Variants in ADARB1 observed in about 807,000 individuals in gnomAD.
The protein encoded by ADARB1 is double-stranded RNA-specific editase 1.
In ADARB1, 10 loss-of-function variants were observed where a neutral mutation model predicts 52.4. The ratio of observed to expected loss-of-function variants is 0.19; its 90% CI spans 0.12 to 0.32. The LOEUF (loss-of-function observed/expected upper bound fraction) is 0.32. Among genes scored for constraint, ADARB1 ranks in the 10% least tolerant of loss-of-function variants. The probability of loss-of-function intolerance (pLI) is 1.00; values close to 1 mark genes in which losing one functional copy is unlikely to be tolerated. For synonymous variants in ADARB1, 349 were observed against 371.1 expected (o/e 0.94, Z 0.68); for missense variants, 643 against 922.3 (o/e 0.70, Z 3.92).
intron 1 of ADARB1, among the ~76,000 whole-genome samples, chr21:45,075,827 A>G (rs754840729): frequency 6.6e-6 from 1 of 152,338 alleles, no homozygotes; most frequent in Admixed American, 6.5e-5. Context: ...TGATACAGGC[A>G]TTTTACTTCC....
At position 45,182,581 on chromosome 21, in the gene ADARB1, TC is replaced by T; in HGVS notation, c.1079-3del. 1 of 1,579,772 alleles carries T rather than the reference TC, an allele frequency of 6.3e-7. No individual in the cohort carries two copies. The highest frequency in any genetic ancestry group is 1.2e-5 in the South Asian group (1 of 83,760). On this transcript the variant is annotated splice_polypyrimidine_tract_variant and splice_region_variant and intron_variant, in intron 5 of 10. Coordinates refer to ENST00000348831, the MANE Select transcript of ADARB1 (RefSeq NM_001112.4). Reference sequence around the variant, plus strand: ...AAAATAGTGTCTCTTTTTTTTTTTTTCAGGCACAGATGTTAAAGATGCCAAG... The same window carrying T: ...AAAATAGTGTCTCTTTTTTTTTTTTTAGGCACAGATGTTAAAGATGCCAAG...
intron 2 of ADARB1, among the ~76,000 whole-genome samples, chr21:45,141,001 G>C (rs900353035): frequency 7.2e-5 from 11 of 152,050 alleles, no homozygotes; most frequent in African/African-American, 2.7e-4. Flanking sequence ...ACCAGTCTGG[G>C]TAACATGGTG....
intron 2 of ADARB1, among the ~76,000 whole-genome samples, chr21:45,131,546 G>A (rs1428059261): frequency 2.0e-5 from 3 of 152,228 alleles, no homozygotes; most frequent in Non-Finnish European, 2.9e-5. Context: ...AGGAGGTTTA[G>A]GAGTGCCCAT....
At chr21:45,144,934 A>C (rs2089934169) in intron 2 of ADARB1, 1 of 182,356 alleles carries the variant, frequency 5.5e-6, no homozygotes, top group Non-Finnish European at 1.2e-5. Flanking sequence ...ATGAGGAAAA[A>C]ACCAAATGAT....
chr21:45,087,832 A>G (rs2086407883), intron 1 of ADARB1, among the ~76,000 whole-genome samples: 1 of 152,222 alleles, frequency 6.6e-6, no homozygotes, highest in South Asian at 2.1e-4. Context: ...TGTTAACCTT[A>G]TTTGGGAAAA....
At chr21:45,219,702 A>G (rs571697575) in intron 9 of ADARB1, among the ~76,000 whole-genome samples, 20 of 152,334 alleles carry the variant, frequency 1.3e-4, no homozygotes, top group African/African-American at 4.8e-4. Context: ...TGGATGGCTC[A>G]TGATTTCCTC....
At position 45,103,289 on chromosome 21, in the gene ADARB1, A is replaced by G. The variant is rs536436601; in HGVS notation, c.-219-25113A>G. Among the ~76,000 whole-genome samples the G allele has an allele frequency of 3.2e-4, 48 of 151,744 alleles. No individual in the cohort carries two copies. In the South Asian group the frequency reaches 9.0e-3, roughly 28 times the overall value. On this transcript the variant is annotated intron_variant, in intron 1 of 10. Transcript: ENST00000348831. ...TTTTTGGCACCAGGGACTGGTGACA[A>G]TTTTTCCATGGGCCGAGGTGGGGGC...
intron 1 of ADARB1, among the ~76,000 whole-genome samples, chr21:45,127,398 A>G (rs940352958): frequency 5.3e-5 from 8 of 152,146 alleles, no homozygotes; most frequent in Non-Finnish European, 1.0e-4. Context: ...AGGCTGATAG[A>G]GCATTTTCAG....
chr21:45,123,875 A>G (rs1053343678), intron 1 of ADARB1, among the ~76,000 whole-genome samples: 7 of 152,214 alleles, frequency 4.6e-5, no homozygotes, highest in East Asian at 1.9e-4. Flanking sequence ...TGCTGGGCTT[A>G]TAAGTGTGAG....
At position 45,222,303 on chromosome 21, in the gene ADARB1, A is replaced by G; in HGVS notation, c.*106A>G. ...CAGGTGCATACCTTGGGGAGGGAGT[A>G]GGGGGACACGGGGGACCACCAGGTG... On this transcript the variant is annotated 3_prime_UTR_variant, in exon 11 of 11. Transcript: ENST00000348831. The G allele has an allele frequency of 4.0e-6, 3 of 741,898 alleles. No homozygotes were observed. Among genetic ancestry groups the G allele is most frequent in the Non-Finnish European group, 3.7e-6 (2 of 538,518 alleles). 46.0% of individuals were successfully genotyped at this position (741,898 alleles called of 1,614,324 possible).
intron 8 of ADARB1, among the ~76,000 whole-genome samples, chr21:45,203,489 G>A (rs2092604949): frequency 6.6e-6 from 1 of 152,192 alleles, no homozygotes; most frequent in Non-Finnish European, 1.5e-5. Context: ...CCCTGTGTAT[G>A]TAGCGCCCAG....
chr21:45,203,562 C>T (rs1338543365), intron 8 of ADARB1, among the ~76,000 whole-genome samples: 1 of 152,196 alleles, frequency 6.6e-6, no homozygotes, highest in Admixed American at 6.5e-5. Context: ...CTTTGTGGGG[C>T]TCAGAAAGAG....
rs181634272 is a variant in ADARB1 at position 45,099,402 on chromosome 21, C to T, written c.-220+24609C>T. Among the ~76,000 whole-genome samples, 262 of 152,246 alleles carry T rather than the reference C, an allele frequency of 1.7e-3. 1 individual carries two copies. Among genetic ancestry groups the T allele is most frequent in the African/African-American group, 6.1e-3 (252 of 41,532 alleles). ...CAGGCTGGGCGCGGTGGGTGGCTCA[C>T]GCCTGTAATCCCAGCGCTTTGGGAG... On this transcript the variant is annotated intron_variant, in intron 1 of 10. Coordinates refer to ENST00000348831, the MANE Select transcript of ADARB1 (RefSeq NM_001112.4).
At position 45,204,473 on chromosome 21, in the gene ADARB1, C is replaced by T. The variant is rs2092627079; in HGVS notation, c.1566-82C>T. The T allele has an allele frequency of 3.5e-6, 5 of 1,424,618 alleles. No individual in the cohort carries two copies. The highest frequency in any genetic ancestry group is 1.4e-5 in the African/African-American group (1 of 71,168). 88.2% of individuals were successfully genotyped at this position (1,424,618 alleles called of 1,614,324 possible). On this transcript the variant is annotated intron_variant, in intron 8 of 10. Transcript: ENST00000348831. The surrounding 1 kb of genome is among the most constrained non-coding windows in gnomAD (Gnocchi z 4.4). Reference sequence around the variant, plus strand: ...GATCCTGCGGAATTGCCAGTGCATCCCTGTAACCACGCAGGCTTGGGCTGG... The same window carrying T: ...GATCCTGCGGAATTGCCAGTGCATCTCTGTAACCACGCAGGCTTGGGCTGG...
chr21:45,087,545 G>A (rs1463371834), intron 1 of ADARB1, among the ~76,000 whole-genome samples: 2 of 152,132 alleles, frequency 1.3e-5, no homozygotes, highest in Admixed American at 6.5e-5. Context: ...GGACGGAGGA[G>A]GAGTGGGTGC....
At chr21:45,122,343 ATG>A (rs2088246784) in intron 1 of ADARB1, among the ~76,000 whole-genome samples, 1 of 152,196 alleles carries the variant, frequency 6.6e-6, no homozygotes, top group African/African-American at 2.4e-5. Context: ...TGAATGATAA[ATG>A]TGTTTTAATA....
At chr21:45,175,631 C>A in intron 3 of ADARB1, 99 bp from the exon 4 acceptor site, 1 of 1,210,836 alleles carries the variant, frequency 8.3e-7, no homozygotes, top group Non-Finnish European at 1.2e-6. Context: ...GCACACATCA[C>A]TTAACCAGTT....
chr21:45,145,846 G>A (rs1037503187), intron 2 of ADARB1: 15 of 152,344 alleles, frequency 9.8e-5, no homozygotes, highest in African/African-American at 3.1e-4. Context: ...TGAAGATTGT[G>A]CTTTTAGCGT....
intron 1 of ADARB1, among the ~76,000 whole-genome samples, chr21:45,103,416 C>T (rs528257330): frequency 6.6e-6 from 1 of 151,912 alleles, no homozygotes; most frequent in Admixed American, 6.6e-5. Flanking sequence ...TACAACTCAG[C>T]ATCATGTAGA....
Sources: gnomAD v4.1 joint callset for allele counts (sites outside exome capture counted in the v4.1 genomes callset) on GRCh38, gnomAD v4.1.1 for gene constraint, Gnocchi (gnomAD v3.1) non-coding constraint, MANE v1.5 for transcripts, NCBI Gene and HGNC (gene_info 2026-07-23, HGNC 2026-07-21) for gene names.